Variants in MARK3 observed in about 807,000 individuals in gnomAD.
MARK3 encodes the protein MAP/microtubule affinity-regulating kinase 3.
A neutral mutation model predicts 90.1 loss-of-function variants in MARK3; 46 were observed. The ratio of observed to expected loss-of-function variants is 0.51; its 90% CI spans 0.40 to 0.65. The LOEUF (loss-of-function observed/expected upper bound fraction) is 0.65, where lower values mean the gene tolerates loss of function less well. Ranked by LOEUF, MARK3 falls within the 30% of genes least tolerant of loss-of-function variation. The probability of loss-of-function intolerance (pLI) is 0.00; values close to 1 mark genes in which losing one functional copy is unlikely to be tolerated. For synonymous variants in MARK3, 321 were observed against 332.6 expected (o/e 0.97, Z 0.38); for missense variants, 818 against 947.2 (o/e 0.86, Z 1.79).
chr14:103,463,392 C>A (rs2093439210), intron 7 of MARK3, among the ~76,000 whole-genome samples: 1 of 152,142 alleles, frequency 6.6e-6, no homozygotes, highest in Non-Finnish European at 1.5e-5. Flanking sequence ...GCCCCAAATC[C>A]ATTCCTACGG....
At chr14:103,386,168 A>G in intron 1 of MARK3, 88 bp downstream of exon 1, 1 of 1,272,498 alleles carries the variant, frequency 7.9e-7, no homozygotes, top group Admixed American at 1.7e-5. Context: ...TGTTCCCCCC[A>G]GCCGAACGCT....
chr14:103,495,914 C>T (rs1276170927), intron 15 of MARK3, among the ~76,000 whole-genome samples: 1 of 152,236 alleles, frequency 6.6e-6, no homozygotes, highest in East Asian at 1.9e-4. Flanking sequence ...GGTGTTTGCA[C>T]TTAGATGCTG....
intron 5 of MARK3, among the ~76,000 whole-genome samples, chr14:103,455,758 A>G (rs909370261): frequency 6.6e-6 from 1 of 152,024 alleles, no homozygotes; most frequent in African/African-American, 2.4e-5. Flanking sequence ...TATGCAATCA[A>G]GTAATAACAT....
chr14:103,425,410 CCG>C (rs1471132417), intron 2 of MARK3, among the ~76,000 whole-genome samples: 26 of 151,316 alleles, frequency 1.7e-4, no homozygotes. Flanking sequence ...TTATAGGCAT[CCG>C]CCACCAAGCT....
At chr14:103,425,353 G>A (rs1214811923) in intron 2 of MARK3, among the ~76,000 whole-genome samples, 5 of 151,966 alleles carry the variant, frequency 3.3e-5, no homozygotes, top group African/African-American at 1.2e-4. Flanking sequence ...TCCGTTTCCA[G>A]GTTTCAAGTG....
chr14:103,476,178 G>A (rs1005006347), intron 13 of MARK3, among the ~76,000 whole-genome samples: 1 of 152,158 alleles, frequency 6.6e-6, no homozygotes, highest in African/African-American at 2.4e-5. Context: ...GCCTTAGGTT[G>A]TCAGGTGCTG....
chr14:103,434,737 TAAAG>T (rs987432566), intron 3 of MARK3, among the ~76,000 whole-genome samples: 22 of 152,240 alleles, frequency 1.4e-4, no homozygotes, highest in African/African-American at 4.8e-4. Flanking sequence ...AGCCAGATAT[TAAAG>T]AAAACTAGAA....
rs770227482 is a variant in MARK3, at chr14:103,385,983, CTGTTT to C, written c.-39_-35del. ...TGGTCGCCGGCCTCCTAGGGCTGTG[CTGTTT>C]TGTTTTGACCCTCGCATTGTGCAGA... is the stretch of plus-strand genomic sequence containing the variant. On this transcript the variant is annotated 5_prime_UTR_variant, in exon 1 of 18. Coordinates refer to ENST00000429436, the MANE Select transcript of MARK3 (RefSeq NM_001128918.3). 2 of 1,514,770 alleles carry C rather than the reference CTGTTT, an allele frequency of 1.3e-6. No homozygotes were observed. The highest frequency in any genetic ancestry group is 1.8e-6 in the Non-Finnish European group (2 of 1,089,440). 93.8% of individuals were successfully genotyped at this position (1,514,770 alleles called of 1,614,324 possible).
intron 12 of MARK3, among the ~76,000 whole-genome samples, chr14:103,473,491 A>C (rs1481928209): frequency 2.0e-5 from 3 of 152,244 alleles, no homozygotes; most frequent in Admixed American, 6.5e-5. Flanking sequence ...TCACAATGTC[A>C]GTAGACGTCT....
chr14:103,491,703 G>A (rs965029966), intron 14 of MARK3, 74 bp from the exon 15 acceptor site: 70 of 1,503,018 alleles, frequency 4.7e-5, no homozygotes, highest in Non-Finnish European at 6.0e-5. Context: ...TCTCCACTGT[G>A]TATAAAAGGT....
In MARK3 at chr14:103,452,471, C is replaced by CTTTTTTTT. The variant is rs71126026; in HGVS notation, c.412+499_412+506dup. 5.8e-4 allele frequency among the ~76,000 whole-genome samples: 57 copies of CTTTTTTTT among 97,472 alleles called. 5 individuals carry two copies. The highest frequency in any genetic ancestry group is 7.4e-3 in the Middle Eastern group (1 of 136). The allele number at this position is 97,472 out of a possible 152,430, so 63.9% of individuals were successfully genotyped here. A position where few individuals can be genotyped will look rare whatever the true frequency, so the allele number is the denominator to read the frequency against. On this transcript the variant is annotated intron_variant, in intron 5 of 17. Coordinates refer to ENST00000429436, the MANE Select transcript of MARK3 (RefSeq NM_001128918.3). ...ACAAGTGGAATTTTACAGGATTTGT[C>CTTTTTTTT]TTTTTTTTTTTTTTTTTTGAGACGG...
At chr14:103,491,204 T>C (rs1213026420) in intron 14 of MARK3, 1 of 926,050 alleles carries the variant, frequency 1.1e-6, no homozygotes, top group African/African-American at 1.7e-5. Context: ...GTTACAGTTG[T>C]CCACAAGGCG....
chr14:103,481,984 T>C (rs1210500859), intron 14 of MARK3, among the ~76,000 whole-genome samples: 2 of 150,796 alleles, frequency 1.3e-5, no homozygotes, highest in Admixed American at 1.3e-4. Context: ...GCCAGGATGG[T>C]CTCGATCTCC....
chr14:103,386,286 T>C (rs2089788979), intron 1 of MARK3: 1 of 705,922 alleles, frequency 1.4e-6, no homozygotes, highest in African/African-American at 1.7e-5. Context: ...GCGAAGTACA[T>C]CGATTATGCC....
At chr14:103,436,375 A>C (rs1022311435) in intron 3 of MARK3, among the ~76,000 whole-genome samples, 1 of 149,368 alleles carries the variant, frequency 6.7e-6, no homozygotes, top group Non-Finnish European at 1.5e-5. Flanking sequence ...AATCCTTTTC[A>C]TTGAACAACT....
chr14:103,415,664 A>G lies in MARK3; in HGVS notation c.243+10397A>G, dbSNP rs557012114. Among the ~76,000 whole-genome samples, 11 of 152,182 alleles carry G rather than the reference A, an allele frequency of 7.2e-5. No homozygotes were observed. The South Asian group carries it at 2.3e-3, about 32-fold the overall frequency. On this transcript the variant is annotated intron_variant, in intron 2 of 17. Transcript: ENST00000429436. Reference sequence around the variant, plus strand: ...CACTAATTTTCATAGCCTCCCAGAGACCTTTCCCCTCACACGAACTACAGA... The same window carrying G: ...CACTAATTTTCATAGCCTCCCAGAGGCCTTTCCCCTCACACGAACTACAGA...
intron 14 of MARK3, among the ~76,000 whole-genome samples, chr14:103,481,248 T>G (rs1299174698): frequency 2.0e-5 from 3 of 152,224 alleles, no homozygotes; most frequent in Non-Finnish European, 4.4e-5. Flanking sequence ...TATATTCTGT[T>G]CAGAACAAAT....
chr14:103,495,145 G>C (rs555666491), intron 15 of MARK3, among the ~76,000 whole-genome samples: 30 of 152,198 alleles, frequency 2.0e-4, no homozygotes, highest in Middle Eastern at 3.4e-3. Context: ...GAAACTGAAG[G>C]TGAAGTTTGG....
rs548714552 is a variant in MARK3 at position 103,389,244 on chromosome 14, G to C, written c.51+3164G>C. 4.7e-4 allele frequency among the ~76,000 whole-genome samples: 71 copies of C among 151,532 alleles called. 2 individuals are homozygous for C. In the South Asian group the frequency reaches 0.014, roughly 30 times the overall value. ...CCGGGCGTGGTGGCAGGCACCTGTA[G>C]TCCTAGCTACTCGGGAGGCTGAGGC... On this transcript the variant is annotated intron_variant, in intron 1 of 17. Coordinates refer to ENST00000429436, the MANE Select transcript of MARK3 (RefSeq NM_001128918.3).
Sources: allele counts gnomAD v4.1 joint callset (sites outside exome capture counted in the v4.1 genomes callset), GRCh38; gene constraint gnomAD v4.1.1; transcripts MANE v1.5; gene names NCBI Gene and HGNC (gene_info 2026-07-23, HGNC 2026-07-21).